The following SH3RF2 variants were observed in gnomAD, a reference collection of about 807,000 sequenced individuals.
SH3RF2 encodes E3 ubiquitin-protein ligase SH3RF2.
In SH3RF2, 43 loss-of-function variants were observed where a neutral mutation model predicts 59.0. The ratio of observed to expected loss-of-function variants is 0.73; its 90% CI spans 0.57 to 0.94. The LOEUF (loss-of-function observed/expected upper bound fraction) is 0.94, where lower values mean the gene tolerates loss of function less well. Ranked by LOEUF, SH3RF2 falls within the 40% of genes least tolerant of loss-of-function variation. SH3RF2 has a pLI of 0.00. For synonymous variants in SH3RF2, 391 were observed against 391.5 expected, an observed-to-expected ratio of 1.00 and a Z score of 0.01; for missense variants, 930 against 940.1, an observed-to-expected ratio of 0.99 and a Z score of 0.14.
intron 2 of SH3RF2, among the ~76,000 whole-genome samples, chr5:145,979,424 A>G (rs545497739): frequency 1.3e-5 from 2 of 152,364 alleles, no homozygotes; most frequent in South Asian, 4.1e-4. Flanking sequence ...AAATATCCAA[A>G]CAAGACCTTT....
At chr5:146,054,096 G>C (rs975774191) in intron 7 of SH3RF2, among the ~76,000 whole-genome samples, 4 of 152,178 alleles carry the variant, frequency 2.6e-5, no homozygotes, top group Non-Finnish European at 5.9e-5. Flanking sequence ...AATGTCTGCA[G>C]GTCTGGGGGT....
chr5:145,952,244 T>C lies in SH3RF2; in HGVS notation c.378+13938T>C, dbSNP rs140451153. 9.2e-4 allele frequency among the ~76,000 whole-genome samples: 140 copies of C among 152,254 alleles called. 1 individual carries two copies. Among genetic ancestry groups the C allele is most frequent in the East Asian group, 8.1e-3 (42 of 5,168 alleles). ...ATGGGGTTTTGTTGCCTAAAACATC[T>C]CTAAAGTATCCACATGCTGGGGTTT... is the stretch of plus-strand genomic sequence containing the variant. On this transcript the variant is annotated intron_variant, in intron 2 of 9. Transcript: ENST00000359120.
In SH3RF2 at chr5:145,981,533, T is replaced by C. The variant is rs555099790; in HGVS notation, c.379-18525T>C. Among the ~76,000 whole-genome samples the C allele has an allele frequency of 2.6e-5, 4 of 152,288 alleles. No homozygotes were observed. The East Asian group carries it at 7.7e-4, about 29-fold the overall frequency. ...GCACACCTCCTCTTCCTTTTTCCCATGCAGTTTATTTATTAGAGAGATTGG... is the reference window on the plus strand; with the variant it reads ...GCACACCTCCTCTTCCTTTTTCCCACGCAGTTTATTTATTAGAGAGATTGG... On this transcript the variant is annotated intron_variant, in intron 2 of 9. Coordinates refer to ENST00000359120, the MANE Select transcript of SH3RF2 (RefSeq NM_152550.4).
intron 2 of SH3RF2, among the ~76,000 whole-genome samples, chr5:145,990,330 G>A (rs774060622): frequency 2.6e-5 from 4 of 152,124 alleles, no homozygotes; most frequent in Non-Finnish European, 4.4e-5. Context: ...CAACCTGAAG[G>A]CTCATAATTC....
Position 145,937,857 on chromosome 5 carries a change from G to GCC in SH3RF2, c.-68_-67dup, listed in dbSNP as rs879076986. Reference sequence around the variant, plus strand: ...CTGACGTTCTCAAGAGACCAGCTCTGCCCCCGTGGCTCAACTGACCCTACC... The same window carrying GCC: ...CTGACGTTCTCAAGAGACCAGCTCTGCCCCCCCGTGGCTCAACTGACCCTACC... On this transcript the variant is annotated 5_prime_UTR_variant, in exon 2 of 10. An upstream open reading frame in the 5' UTR gains an earlier in-frame stop. Transcript: ENST00000359120. 2.6e-5 allele frequency: 40 copies of GCC among 1,528,978 alleles called. No individual in the cohort carries two copies. The South Asian group carries it at 4.1e-4, about 16-fold the overall frequency. The allele number at this position is 1,528,978 out of a possible 1,614,324, so 94.7% of individuals were successfully genotyped here.
At chr5:145,961,163 C>A (rs1021137950) in intron 2 of SH3RF2, among the ~76,000 whole-genome samples, 5 of 148,144 alleles carry the variant, frequency 3.4e-5, no homozygotes, top group Admixed American at 1.3e-4. Context: ...CTGCTGCATT[C>A]CTGCATCCTC....
At chr5:145,999,987 G>A in intron 2 of SH3RF2, 71 bp from the exon 3 acceptor site, 12 of 1,535,158 alleles carry the variant, frequency 7.8e-6, no homozygotes, top group Non-Finnish European at 1.0e-5. Context: ...AATAAAAGGG[G>A]GAATGCTTGT....
chr5:146,058,846 T>G (rs908596972), intron 8 of SH3RF2, among the ~76,000 whole-genome samples: 2 of 151,162 alleles, frequency 1.3e-5, no homozygotes, highest in African/African-American at 4.9e-5. Flanking sequence ...AAATGACCTT[T>G]TCCTGAGACA....
intron 9 of SH3RF2, among the ~76,000 whole-genome samples, chr5:146,062,198 T>G (rs1472438279): frequency 6.6e-6 from 1 of 152,194 alleles, no homozygotes; most frequent in Non-Finnish European, 1.5e-5. Context: ...GTTCTCAATT[T>G]AAAGCTTCTG....
At chr5:145,951,121 G>A (rs1184358180) in intron 2 of SH3RF2, among the ~76,000 whole-genome samples, 1 of 152,146 alleles carries the variant, frequency 6.6e-6, no homozygotes, top group Non-Finnish European at 1.5e-5. Context: ...TCAGAAAGAT[G>A]GCTAACATTT....
chr5:145,981,052 T>C (rs1759487915), intron 2 of SH3RF2, among the ~76,000 whole-genome samples: 1 of 152,292 alleles, frequency 6.6e-6, no homozygotes, highest in Non-Finnish European at 1.5e-5. Flanking sequence ...CATTTCTTGA[T>C]GTCATCGCAT....
intron 2 of SH3RF2, chr5:145,997,253 A>G: frequency 1.1e-6 from 1 of 926,532 alleles, no homozygotes; most frequent in Non-Finnish European, 1.8e-6. Context: ...CAAGTCTGAT[A>G]CATGCATCTG....
intron 2 of SH3RF2, among the ~76,000 whole-genome samples, chr5:145,969,447 A>C (rs1758986744): frequency 6.6e-6 from 1 of 152,206 alleles, no homozygotes; most frequent in Non-Finnish European, 1.5e-5. Flanking sequence ...TGGAGCAGGC[A>C]GGTCCCAGAT....
At chr5:145,945,185 T>C (rs1188171976) in intron 2 of SH3RF2, among the ~76,000 whole-genome samples, 1 of 152,182 alleles carries the variant, frequency 6.6e-6, no homozygotes, top group East Asian at 1.9e-4. Context: ...ACATGCTCAC[T>C]GTAGGATGCA....
At chr5:146,075,204 G>A (rs1304484968) in intron 9 of SH3RF2, among the ~76,000 whole-genome samples, 1 of 152,146 alleles carries the variant, frequency 6.6e-6, no homozygotes, top group Non-Finnish European at 1.5e-5. Context: ...TATGAAGCAG[G>A]ATCACAAGAA....
Position 146,055,958 on chromosome 5 carries a change from A to G in SH3RF2, c.1323-23A>G, listed in dbSNP as rs748448465. The G allele has an allele frequency of 6.3e-7, 1 of 1,596,644 alleles. No individual in the cohort carries two copies. Among genetic ancestry groups the G allele is most frequent in the Non-Finnish European group, 8.5e-7 (1 of 1,173,646 alleles). ...TTTTCTTTCTCTATTTCTTCTCTTAAAAAAAAAATTTTCCAAAACCAGAAA... is the reference window on the plus strand; with the variant it reads ...TTTTCTTTCTCTATTTCTTCTCTTAGAAAAAAAATTTTCCAAAACCAGAAA... On this transcript the variant is annotated intron_variant, in intron 7 of 9. Coordinates refer to ENST00000359120, the MANE Select transcript of SH3RF2 (RefSeq NM_152550.4).
chr5:146,053,279 A>G (rs1762559650), intron 7 of SH3RF2, among the ~76,000 whole-genome samples: 1 of 152,202 alleles, frequency 6.6e-6, no homozygotes, highest in Admixed American at 6.5e-5. Context: ...CTCTGCCACC[A>G]TGTTGCCTCT....
intron 2 of SH3RF2, among the ~76,000 whole-genome samples, chr5:145,943,353 C>G (rs955815553): frequency 6.6e-6 from 1 of 151,636 alleles, no homozygotes; most frequent in East Asian, 1.9e-4. Flanking sequence ...AGGATGGGAC[C>G]AAAAAGGGGC....
At chr5:146,047,395 C>A (rs1157870674) in intron 5 of SH3RF2, among the ~76,000 whole-genome samples, 1 of 151,916 alleles carries the variant, frequency 6.6e-6, no homozygotes, top group Non-Finnish European at 1.5e-5. Flanking sequence ...AGTTCTGAAT[C>A]AATATTAGCC....
Sources: gnomAD v4.1 joint callset for allele counts (sites outside exome capture counted in the v4.1 genomes callset) on GRCh38, gnomAD v4.1.1 for gene constraint, MANE v1.5 for transcripts, NCBI Gene and HGNC (gene_info 2026-07-23, HGNC 2026-07-21) for gene names.